The following BRPF1 variants were observed in gnomAD, a reference collection of about 807,000 sequenced individuals.
BRPF1 encodes peregrin.
BRPF1 carries 15 observed loss-of-function variants against 115.0 expected under a neutral mutation model. That is an observed-to-expected ratio of 0.13 (90% CI 0.09 to 0.20). The LOEUF (loss-of-function observed/expected upper bound fraction) is 0.20. Ranked by LOEUF, BRPF1 falls within the 10% of genes least tolerant of loss-of-function variation. The pLI is 1.00. For synonymous variants in BRPF1, 647 were observed against 619.8 expected (o/e 1.04, Z -0.65); for missense variants, 1,118 against 1,638.3 (o/e 0.68, Z 5.48).
chr3:9,741,695 T>C (rs375142346), intron 5 of BRPF1, among the ~76,000 whole-genome samples: 56 of 150,586 alleles, frequency 3.7e-4, no homozygotes, highest in South Asian at 2.1e-4. Context: ...CCCAGCCAGA[T>C]AGCAGCAGGG....
chr3:9,736,091 G>A (rs532856264), intron 2 of BRPF1, among the ~76,000 whole-genome samples: 2 of 128,978 alleles, frequency 1.6e-5, no homozygotes, highest in East Asian at 2.5e-4. Flanking sequence ...GGCTCACTGC[G>A]ACCTCCACTG....
chr3:9,746,625 G>A (rs1388635318), intron 13 of BRPF1, among the ~76,000 whole-genome samples, 171 bp downstream of exon 13: 1 of 152,144 alleles, frequency 6.6e-6, no homozygotes, highest in African/African-American at 2.4e-5. Context: ...CCATGTGTCT[G>A]AGAGGCTGAG....
chr3:9,744,456 C>G lies in BRPF1; in HGVS notation c.2868C>G (p.Pro956=), dbSNP rs759464702. The part of the protein sequence containing the change: ...RQRKRGRSPR[P]SSSSDSDSDK... ...GCAAGCGGGGTAGGAGCCCCCGGCC[C>G]AGTTCGAGCTCAGACAGCGACAGTG... The change falls in exon 9 of 14, where the codon CCC becomes CCG. Residue 956 remains proline (P), a synonymous_variant. Coordinates refer to ENST00000383829, the MANE Select transcript of BRPF1 (RefSeq NM_001003694.2). 1 of 1,589,408 alleles carries G rather than the reference C, an allele frequency of 6.3e-7. No homozygotes were observed. Among genetic ancestry groups the G allele is most frequent in the South Asian group, 1.1e-5 (1 of 88,128 alleles).
chr3:9,738,907 C>A, intron 2 of BRPF1, 92 bp from the exon 3 acceptor site: 1 of 1,217,316 alleles, frequency 8.2e-7, no homozygotes, highest in Non-Finnish European at 1.1e-6. Flanking sequence ...AGGGCATAGG[C>A]ACAGAGTAAG....
At position 9,733,546 on chromosome 3, in the gene BRPF1, C is replaced by G. The variant is rs1030068054; in HGVS notation, c.-10-585C>G. Among the ~76,000 whole-genome samples the G allele has an allele frequency of 2.0e-5, 3 of 152,142 alleles. No homozygotes were observed. The East Asian group carries it at 5.8e-4, about 29-fold the overall frequency. ...AATGGAATGCTGTGGAAACAGCTCC[C>G]CATGGGAGAGTCAGAGAAGTTGTGT... On this transcript the variant is annotated intron_variant, in intron 1 of 13. Coordinates refer to ENST00000383829, the MANE Select transcript of BRPF1 (RefSeq NM_001003694.2).
Position 9,739,902 on chromosome 3 carries a change from G to A in BRPF1, c.1503G>A (p.Leu501=). Residue 501 remains leucine (L), a synonymous_variant, in exon 3 of 14, where the codon CTG becomes CTA. Coordinates refer to ENST00000383829, the MANE Select transcript of BRPF1 (RefSeq NM_001003694.2). ...RIKMKKARKI[L]AEKRAAAPVV... is the part of the protein sequence containing the mutation. ...AAATGAAGAAGGCACGGAAGATCCT[G>A]GCAGAGAAGCGGGCAGCAGCACCTG... 1.9e-6 allele frequency: 3 copies of A among 1,582,534 alleles called. No individual in the cohort carries two copies. The highest frequency in any genetic ancestry group is 2.6e-6 in the Non-Finnish European group (3 of 1,164,514).
At chr3:9,744,082 C>A in intron 8 of BRPF1, 142 bp from the exon 9 acceptor site, 1 of 1,298,902 alleles carries the variant, frequency 7.7e-7, no homozygotes, top group Non-Finnish European at 1.1e-6. Context: ...AAGAGTTAAT[C>A]TTCCAAATTC....
chr3:9,747,159 C>G lies in BRPF1; in HGVS notation c.3480-7C>G, dbSNP rs2077142692. 3 of 1,614,020 alleles carry G rather than the reference C, an allele frequency of 1.9e-6. No individual in the cohort carries two copies. The highest frequency in any genetic ancestry group is 2.7e-5 in the African/African-American group (2 of 75,006). ...ATGATTTATTTGATCTTCACCTTAT[C>G]CTATAGGCAGTGGCTGCCCAGGACC... On this transcript the variant is annotated splice_polypyrimidine_tract_variant and splice_region_variant and intron_variant, in intron 13 of 13. Transcript: ENST00000383829. The surrounding 1 kb of genome is among the most constrained non-coding windows in gnomAD (Gnocchi z 5.6).
In BRPF1 at chr3:9,741,036, G is replaced by T. The variant is rs944432140; in HGVS notation, c.1722+95G>T. 9 of 1,346,348 alleles carry T rather than the reference G, an allele frequency of 6.7e-6. No individual in the cohort carries two copies. The Admixed American group carries it at 1.8e-4, about 27-fold the overall frequency. 83.4% of individuals were successfully genotyped at this position (1,346,348 alleles called of 1,614,324 possible). ...GTAGTTTCCAGTGTCAGAGGGCTTAGACTCTTTCCTCCTTTAAGCTAGCCC... is the reference window on the plus strand; with the variant it reads ...GTAGTTTCCAGTGTCAGAGGGCTTATACTCTTTCCTCCTTTAAGCTAGCCC... On this transcript the variant is annotated intron_variant, in intron 4 of 13. Transcript: ENST00000383829.
intron 6 of BRPF1, among the ~76,000 whole-genome samples, 179 bp from the exon 7 acceptor site, chr3:9,742,765 C>T (rs1394591553): frequency 6.6e-6 from 1 of 152,166 alleles, no homozygotes; most frequent in Non-Finnish European, 1.5e-5. Context: ...AGTCACACAG[C>T]TTGTGACTGG....
intron 6 of BRPF1, 125 bp downstream of exon 6, chr3:9,742,296 T>A: frequency 6.6e-7 from 1 of 1,512,974 alleles, no homozygotes; most frequent in Non-Finnish European, 8.8e-7. Flanking sequence ...TGGGGCAGGA[T>A]GAACTGGAGC....
chr3:9,746,689 A>G (rs147012626), intron 13 of BRPF1, among the ~76,000 whole-genome samples: 3 of 152,172 alleles, frequency 2.0e-5, no homozygotes, highest in Non-Finnish European at 4.4e-5. Context: ...TCAGAGACTT[A>G]TGACAAATAT....
At position 9,747,101 on chromosome 3, in the gene BRPF1, AGAG is replaced by A. The variant is rs776800406; in HGVS notation, c.3480-59_3480-57del. 26 of 1,572,990 alleles carry A rather than the reference AGAG, an allele frequency of 1.7e-5. No individual in the cohort carries two copies. The highest frequency in any genetic ancestry group is 2.3e-5 in the Non-Finnish European group (26 of 1,149,992). On this transcript the variant is annotated intron_variant, in intron 13 of 13. Transcript: ENST00000383829. The surrounding 1 kb of genome is among the most constrained non-coding windows in gnomAD (Gnocchi z 5.6). ...GCTTGGGTGGTGTGTTTGAGTGAAT[AGAG>A]GAGGAAGGCTGGTCCTTGTTCTCCC...
intron 1 of BRPF1, among the ~76,000 whole-genome samples, chr3:9,732,844 C>T (rs2076877798): frequency 1.3e-5 from 2 of 152,132 alleles, no homozygotes; most frequent in African/African-American, 4.8e-5. Context: ...GATAGCCCTG[C>T]CTGGCTGGGA....
chr3:9,735,514 C>T (rs1575148894), intron 2 of BRPF1, among the ~76,000 whole-genome samples: 1 of 152,186 alleles, frequency 6.6e-6, no homozygotes, highest in African/African-American at 2.4e-5. Flanking sequence ...AGAGCAGATA[C>T]GGTATTTCTC....
rs1432923366 is a variant in BRPF1 at position 9,744,435 on chromosome 3, G to A, written c.2847G>A (p.Lys949=). 3 of 1,610,172 alleles carry A rather than the reference G, an allele frequency of 1.9e-6. No individual in the cohort carries two copies. The highest frequency in any genetic ancestry group is 2.7e-5 in the African/African-American group (2 of 74,770). Residue 949 remains lysine, a synonymous_variant, in exon 9 of 14, where the codon AAG becomes AAA. Transcript: ENST00000383829. ...TCATGAGTTCCCTGCGTCAGCGCAA[G>A]CGGGGTAGGAGCCCCCGGCCCAGTT... ...LPIMSSLRQR[K]RGRSPRPSSS...
Position 9,743,793 on chromosome 3 carries a change from C to T in BRPF1, c.2527C>T (p.His843Tyr). The change falls in exon 8 of 14, where the codon CAT (histidine) becomes TAT (tyrosine). Residue 843 changes from histidine (H) to tyrosine (Y), a missense_variant. Transcript: ENST00000383829. The surrounding 1 kb of genome is among the most constrained non-coding windows in gnomAD (Gnocchi z 6.1). ...RETGRDGPER[H>Y]GPSSRGSLTP... is the part of the protein sequence containing the mutation. ...GACGGGACGTGATGGCCCTGAGCGG[C>T]ATGGCCCCTCGAGCCGGGGTAGTCT... 2 of 1,613,628 alleles carry T rather than the reference C, an allele frequency of 1.2e-6. No individual in the cohort carries two copies. Among genetic ancestry groups the T allele is most frequent in the Non-Finnish European group, 1.7e-6 (2 of 1,179,610 alleles).
In BRPF1 at chr3:9,743,360, T is replaced by TGAGCAGTGGCAAGCTATCCC. The variant is rs1466314830; in HGVS notation, c.2311+108_2311+127dup. On this transcript the variant is annotated intron_variant, in intron 7 of 13. Transcript: ENST00000383829. This position sits in a 1 kb window ranked among gnomAD's most constrained non-coding sequence, Gnocchi z 6.1. Reference sequence around the variant, plus strand: ...CAGTGTAGGCAGAAAGCAGCTAGGCTGAGCAGTGGCAAGCTATCCCCAGGA... The same window carrying TGAGCAGTGGCAAGCTATCCC: ...CAGTGTAGGCAGAAAGCAGCTAGGCTGAGCAGTGGCAAGCTATCCCGAGCAGTGGCAAGCTATCCCCAGGA... 2.1e-6 allele frequency: 3 copies of TGAGCAGTGGCAAGCTATCCC among 1,426,998 alleles called. No homozygotes were observed. Among genetic ancestry groups the TGAGCAGTGGCAAGCTATCCC allele is most frequent in the Non-Finnish European group, 2.8e-6 (3 of 1,063,312 alleles). 88.4% of individuals were successfully genotyped at this position (1,426,998 alleles called of 1,614,324 possible).
Position 9,739,206 on chromosome 3 carries a change from A to G in BRPF1, c.807A>G (p.Leu269=). The change falls in exon 3 of 14, where the codon CTA becomes CTG. Residue 269 remains leucine (L), a synonymous_variant. Coordinates refer to ENST00000383829, the MANE Select transcript of BRPF1 (RefSeq NM_001003694.2). ...ATAATAAAGGCGACCCTAATGCGCT[A>G]GTGGACGAGGATGCTGTTTGCTGTA... is the stretch of plus-strand genomic sequence containing the variant. ...ESHNKGDPNA[L]VDEDAVCCIC... is the part of the protein sequence containing the mutation. 1 of 1,613,754 alleles carries G rather than the reference A, an allele frequency of 6.2e-7. No homozygotes were observed. Among genetic ancestry groups the G allele is most frequent in the Non-Finnish European group, 8.5e-7 (1 of 1,179,710 alleles).
Sources: gnomAD v4.1 joint callset for allele counts (sites outside exome capture counted in the v4.1 genomes callset) on GRCh38, gnomAD v4.1.1 for gene constraint, Gnocchi (gnomAD v3.1) non-coding constraint, MANE v1.5 for transcripts, NCBI Gene and HGNC (gene_info 2026-07-23, HGNC 2026-07-21) for gene names.